The following SYNE1 variants were observed in gnomAD, a reference collection of about 807,000 sequenced individuals.
SYNE1 encodes the protein nesprin-1.
In SYNE1, 616 loss-of-function variants were observed where a neutral mutation model predicts 1,111.0. That is an observed-to-expected ratio of 0.55 (90% CI 0.52 to 0.59). The LOEUF is 0.59. SYNE1 is among the 20% of genes least tolerant of loss of function. The pLI is 0.00. For missense variants in SYNE1, 10,006 were observed against 10,417.0 expected (o/e 0.96, Z 1.72); for synonymous variants, 3,855 against 3,825.8 (o/e 1.01, Z -0.28).
Position 152,347,238 on chromosome 6 carries a change from G to A in SYNE1, c.11902-3C>T, listed in dbSNP as rs747938942. On this transcript the variant is annotated splice_region_variant and splice_polypyrimidine_tract_variant and intron_variant, in intron 72 of 145. Coordinates refer to ENST00000367255, the MANE Select transcript of SYNE1 (RefSeq NM_182961.4). ...CCAGCAATTTCTTCCATCATTGCCT[G>A]CAAAAGTGAAACCAATACAGAGTTT... 15 of 1,614,108 alleles carry A rather than the reference G, an allele frequency of 9.3e-6. No homozygotes were observed. The South Asian group carries it at 1.6e-4, about 18-fold the overall frequency.
chr6:152,455,700 T>C, intron 23 of SYNE1, 110 bp from the exon 24 acceptor site: 1 of 1,465,206 alleles, frequency 6.8e-7, no homozygotes, highest in Non-Finnish European at 9.5e-7. Flanking sequence ...AGACATTTCA[T>C]CATCATGGGA....
At position 152,455,658 on chromosome 6, in the gene SYNE1, G is replaced by GA. The variant is rs778892349; in HGVS notation, c.2728-69_2728-68insT. On this transcript the variant is annotated intron_variant, in intron 23 of 145. Transcript: ENST00000367255. ...TACTGAAAGGATCATTTTGTTAGAG[G>GA]GTATTATTCATTTAAAAAGCACTTG... 64 of 1,592,936 alleles carry GA rather than the reference G, an allele frequency of 4.0e-5. No homozygotes were observed. In the South Asian group the frequency reaches 6.6e-4, roughly 17 times the overall value.
At chr6:152,490,019 T>C (rs1382899570) in intron 11 of SYNE1, among the ~76,000 whole-genome samples, 2 of 152,202 alleles carry the variant, frequency 1.3e-5, no homozygotes, top group Admixed American at 6.5e-5. Context: ...ATGCATTATA[T>C]AAAGTCAGCC....
At position 152,461,851 on chromosome 6, in the gene SYNE1, C is replaced by T. The variant is rs1250363309; in HGVS notation, c.2251-111G>A. The T allele has an allele frequency of 2.8e-6, 4 of 1,415,754 alleles. No individual in the cohort carries two copies. In the African/African-American group the frequency reaches 4.2e-5, roughly 15 times the overall value. The allele number at this position is 1,415,754 out of a possible 1,614,324, so 87.7% of individuals were successfully genotyped here. ...AATATGCACTGTATAAAATCCAATA[C>T]TTACACTAAACTTTCGACGATTCCA... On this transcript the variant is annotated intron_variant, in intron 20 of 145. Coordinates refer to ENST00000367255, the MANE Select transcript of SYNE1 (RefSeq NM_182961.4).
At chr6:152,322,109 G>A (rs1563052632) in intron 82 of SYNE1, among the ~76,000 whole-genome samples, 1 of 152,112 alleles carries the variant, frequency 6.6e-6, no homozygotes, top group Non-Finnish European at 1.5e-5. Context: ...TGTCTCACAT[G>A]CCACTAAATT....
At chr6:152,269,562 A>G (rs1366277250) in intron 98 of SYNE1, among the ~76,000 whole-genome samples, 1 of 152,204 alleles carries the variant, frequency 6.6e-6, no homozygotes, top group Non-Finnish European at 1.5e-5. Flanking sequence ...CAATGTGGTC[A>G]TCAGATATTC....
chr6:152,241,605 G>A (rs2085731673), intron 107 of SYNE1, among the ~76,000 whole-genome samples: 2 of 151,436 alleles, frequency 1.3e-5, no homozygotes, highest in Admixed American at 6.6e-5. Flanking sequence ...GAGTGATTTC[G>A]GGCCTCCCAA....
At chr6:152,302,180 G>A in intron 91 of SYNE1, 117 bp from the exon 92 acceptor site, 1 of 1,378,628 alleles carries the variant, frequency 7.3e-7, no homozygotes, top group Non-Finnish European at 1.0e-6. Context: ...GCGGGCCCGG[G>A]AGGCAGGATG....
intron 63 of SYNE1, chr6:152,363,802 T>C (rs1015392856): frequency 2.2e-6 from 1 of 454,828 alleles, no homozygotes; most frequent in Non-Finnish European, 4.4e-6. Flanking sequence ...ACTGCTCTTC[T>C]AATTCATATG....
At chr6:152,236,738 AT>A in intron 109 of SYNE1, 78 bp downstream of exon 109, 1 of 1,539,622 alleles carries the variant, frequency 6.5e-7, no homozygotes, top group Non-Finnish European at 9.0e-7. Context: ...TAATAAAATA[AT>A]TGATCACAAG....
rs745694442 is a variant in SYNE1 at position 152,254,873 on chromosome 6, T to G, written c.19470+7A>C. ...GGTCACGTATCCTTTGATAATATCT[T>G]ACTTACCTGGAAATTTAGTATTTGC... On this transcript the variant is annotated splice_region_variant and intron_variant, in intron 104 of 145. Transcript: ENST00000367255. 6 of 1,611,806 alleles carry G rather than the reference T, an allele frequency of 3.7e-6. No homozygotes were observed. Among genetic ancestry groups the G allele is most frequent in the African/African-American group, 1.3e-5 (1 of 75,028 alleles).
rs1283993980 is a variant in SYNE1, at chr6:152,408,932, C to T, written c.6540+136G>A. On this transcript the variant is annotated intron_variant, in intron 44 of 145. Coordinates refer to ENST00000367255, the MANE Select transcript of SYNE1 (RefSeq NM_182961.4). ...TTGCGCCATTGCACTCCAGCCTGGG[C>T]AACAAGAGTGAAACTCTGTCTCCAA... The T allele has an allele frequency of 2.3e-5, 20 of 857,186 alleles. No individual in the cohort carries two copies. The Admixed American group carries it at 4.8e-4, about 21-fold the overall frequency. The allele number at this position is 857,186 out of a possible 1,614,324, so 53.1% of individuals were successfully genotyped here.
rs771927524 is a variant in SYNE1 at position 152,456,002 on chromosome 6, G to A, written c.2611C>T (p.Leu871Phe). Residue 871 changes from leucine to phenylalanine, a missense_variant, in exon 23 of 146, where the codon CTT (leucine) becomes TTT (phenylalanine). Leu to Phe is a conservative substitution (Grantham distance 22). This residue lies in a region of SYNE1 where 1,971 missense variants were observed against 2,084.1 expected (regional missense o/e 0.95). Transcript: ENST00000367255. ...CQENCKKTLT[L>F]IEKGSQSVQK... ...ACACTTTGACTGCCTTTCTCAATAA[G>A]TGTCAAGGTTTTCTTACAGTTTTCT... 8 of 1,613,894 alleles carry A rather than the reference G, an allele frequency of 5.0e-6. No homozygotes were observed. Among genetic ancestry groups the A allele is most frequent in the South Asian group, 2.2e-5 (2 of 91,086 alleles).
At chr6:152,380,973 T>C in intron 56 of SYNE1, 33 bp downstream of exon 56, 1 of 1,600,958 alleles carries the variant, frequency 6.2e-7, no homozygotes, top group Non-Finnish European at 8.6e-7. Flanking sequence ...TTTTAAAGCA[T>C]AACCACCAAT....
intron 52 of SYNE1, among the ~76,000 whole-genome samples, 183 bp from the exon 53 acceptor site, chr6:152,390,635 G>A (rs2097597813): frequency 6.6e-6 from 1 of 152,164 alleles, no homozygotes; most frequent in African/African-American, 2.4e-5. Context: ...GGGAGTCTAG[G>A]AGTCAAAGAT....
intron 28 of SYNE1, among the ~76,000 whole-genome samples, chr6:152,448,507 T>C (rs2098614211): frequency 6.6e-6 from 1 of 152,146 alleles, no homozygotes; most frequent in Non-Finnish European, 1.5e-5. Context: ...TACCATGATA[T>C]TGAGCACCAC....
intron 16 of SYNE1, among the ~76,000 whole-genome samples, chr6:152,470,002 A>C (rs913735368): frequency 3.3e-5 from 5 of 152,182 alleles, no homozygotes; most frequent in Non-Finnish European, 7.3e-5. Context: ...GAAAAGAAAC[A>C]CGAGTGATAA....
chr6:152,597,057 T>C (rs1480924942), intron 3 of SYNE1, among the ~76,000 whole-genome samples: 1 of 152,196 alleles, frequency 6.6e-6, no homozygotes, highest in Non-Finnish European at 1.5e-5. Flanking sequence ...ATTTCTCTAA[T>C]AGCATAAAAA....
At chr6:152,285,362 T>C (rs540359442) in intron 95 of SYNE1, among the ~76,000 whole-genome samples, 1 of 152,282 alleles carries the variant, frequency 6.6e-6, no homozygotes, top group South Asian at 2.1e-4. Flanking sequence ...TACTAATGAG[T>C]CTATCTGCTT....
Sources: allele counts gnomAD v4.1 joint callset (sites outside exome capture counted in the v4.1 genomes callset), GRCh38; gene constraint gnomAD v4.1.1; regional missense constraint gnomAD v4.1.1; transcripts MANE v1.5; gene names NCBI Gene and HGNC (gene_info 2026-07-23, HGNC 2026-07-21).